RBMS3: variants seen among roughly 807,000 people sequenced by gnomAD.
RBMS3 encodes the protein RNA-binding motif, single-stranded-interacting protein 3.
RBMS3 carries 27 observed loss-of-function variants against 66.8 expected under a neutral mutation model. The observed-to-expected ratio is 0.40, with a 90% confidence interval of 0.30 to 0.56. The LOEUF is 0.56. Among genes scored for constraint, RBMS3 ranks in the 20% least tolerant of loss-of-function variants. The pLI is 0.40. For missense variants in RBMS3, 513 were observed against 549.5 expected (o/e 0.93, Z 0.66); for synonymous variants, 188 against 183.0 (o/e 1.03, Z -0.22).
intron 10 of RBMS3, among the ~76,000 whole-genome samples, chr3:29,928,148 T>G (rs1020054492): frequency 1.9e-4 from 27 of 140,322 alleles, no homozygotes; most frequent in Admixed American, 1.0e-3. Flanking sequence ...GAACAAAAAA[T>G]AAGGAGAAAC....
intron 3 of RBMS3, among the ~76,000 whole-genome samples, chr3:29,500,314 TAAC>T (rs1181117246): frequency 6.6e-6 from 1 of 151,212 alleles, no homozygotes; most frequent in Non-Finnish European, 1.5e-5. Context: ...GAGGACAACT[TAAC>T]AAGTCAAAGA....
At chr3:29,761,326 C>A (rs35961148) in intron 5 of RBMS3, among the ~76,000 whole-genome samples, 72,380 of 151,966 alleles carry the variant, frequency 0.48, 17,843 homozygotes, top group African/African-American at 0.6. Flanking sequence ...TAGCTCAAAA[C>A]TGGAACTCGT....
chr3:29,631,475 TAGA>T (rs1559523091), intron 4 of RBMS3, among the ~76,000 whole-genome samples: 3 of 151,944 alleles, frequency 2.0e-5, no homozygotes, highest in South Asian at 2.1e-4. Context: ...CAAATTTCCA[TAGA>T]AGATTTTTAT....
intron 14 of RBMS3, among the ~76,000 whole-genome samples, chr3:29,996,966 A>G (rs958682434): frequency 9.9e-5 from 15 of 152,252 alleles, no homozygotes; most frequent in Non-Finnish European, 1.6e-4. Flanking sequence ...TCAAAAAATT[A>G]ATGAATCCAG....
intron 3 of RBMS3, among the ~76,000 whole-genome samples, chr3:29,581,806 G>A (rs1422072935): frequency 1.3e-5 from 2 of 152,150 alleles, no homozygotes; most frequent in Non-Finnish European, 2.9e-5. Flanking sequence ...CTGAGAGCAA[G>A]TCTCCTTGGC....
chr3:29,535,652 A>G (rs2045524047), intron 3 of RBMS3, among the ~76,000 whole-genome samples: 2 of 150,402 alleles, frequency 1.3e-5, no homozygotes, highest in African/African-American at 4.9e-5. Context: ...AGACCTATAA[A>G]ACAGATGTCT....
chr3:29,532,656 G>T (rs2045411466), intron 3 of RBMS3, among the ~76,000 whole-genome samples: 1 of 152,080 alleles, frequency 6.6e-6, no homozygotes, highest in Non-Finnish European at 1.5e-5. Context: ...TTGAGCTTAG[G>T]AGTTCCAGGT....
intron 10 of RBMS3, among the ~76,000 whole-genome samples, chr3:29,924,100 C>A (rs187676968): frequency 3.3e-5 from 5 of 152,244 alleles, no homozygotes; most frequent in African/African-American, 9.6e-5. Flanking sequence ...TCTATATATA[C>A]CCTGTTACAT....
rs114315123 is a variant in RBMS3 at position 29,715,559 on chromosome 3, G to A, written c.400-24161G>A. Among the ~76,000 whole-genome samples the A allele has an allele frequency of 3.4e-3, 522 of 152,162 alleles. 4 individuals carry two copies. The highest frequency in any genetic ancestry group is 0.012 in the African/African-American group (505 of 41,514). ...TACTCTCTTCCAACCATGTGACTAA[G>A]CATTTAAGAGTGAATTCTATTGACA... On this transcript the variant is annotated intron_variant, in intron 4 of 14. Transcript: ENST00000383767.
intron 1 of RBMS3, among the ~76,000 whole-genome samples, chr3:29,352,319 T>C (rs2125561072): frequency 6.6e-6 from 1 of 152,182 alleles, no homozygotes; most frequent in East Asian, 1.9e-4. Context: ...GGCTTCTTTA[T>C]ACATTCAGGT....
chr3:29,684,416 A>C (rs556323822), intron 4 of RBMS3, among the ~76,000 whole-genome samples: 2 of 152,302 alleles, frequency 1.3e-5, no homozygotes, highest in African/African-American at 4.8e-5. Flanking sequence ...TTCTTTATGT[A>C]CCTATCTATA....
At chr3:29,892,287 A>G (rs1372312617) in intron 8 of RBMS3, among the ~76,000 whole-genome samples, 2 of 151,498 alleles carry the variant, frequency 1.3e-5, no homozygotes, top group Non-Finnish European at 3.0e-5. Context: ...TGCATTTAAT[A>G]TTTTGTTCAT....
At chr3:29,391,970 C>A (rs2039318591) in intron 1 of RBMS3, among the ~76,000 whole-genome samples, 1 of 152,092 alleles carries the variant, frequency 6.6e-6, no homozygotes, top group Non-Finnish European at 1.5e-5. Context: ...AACGTAGAGG[C>A]CTGGCATGGT....
chr3:29,721,912 A>C (rs1020334999), intron 4 of RBMS3, among the ~76,000 whole-genome samples: 1 of 152,176 alleles, frequency 6.6e-6, no homozygotes. Flanking sequence ...ATATTGCCTA[A>C]AACCTTTAGT....
intron 4 of RBMS3, among the ~76,000 whole-genome samples, chr3:29,697,834 A>AT (rs2052350317): frequency 6.6e-6 from 1 of 152,174 alleles, no homozygotes; most frequent in African/African-American, 2.4e-5. Context: ...GTTGTGCATC[A>AT]TTTTAGCGCT....
At chr3:29,871,708 G>T (rs2059495505) in intron 7 of RBMS3, among the ~76,000 whole-genome samples, 1 of 152,098 alleles carries the variant, frequency 6.6e-6, no homozygotes. Flanking sequence ...CCTAAAAGAT[G>T]AGTAAAAATG....
At chr3:29,621,558 C>T (rs975630102) in intron 4 of RBMS3, among the ~76,000 whole-genome samples, 28 of 152,056 alleles carry the variant, frequency 1.8e-4, no homozygotes, top group South Asian at 6.2e-4. Flanking sequence ...TTGTATTAAA[C>T]CTTTCAATAA....
intron 3 of RBMS3, among the ~76,000 whole-genome samples, chr3:29,566,633 G>A (rs1216472822): frequency 1.5e-4 from 6 of 40,638 alleles, no homozygotes; most frequent in Non-Finnish European, 2.5e-4. Context: ...AAAGCAAAAT[G>A]CAAAAAAAAA....
intron 2 of RBMS3, among the ~76,000 whole-genome samples, chr3:29,465,920 T>C (rs2042527477): frequency 1.3e-5 from 2 of 151,996 alleles, no homozygotes; most frequent in African/African-American, 2.4e-5. Context: ...GAAAGATTGG[T>C]CGTTCTGGTT....
Sources: allele counts gnomAD v4.1 joint callset (sites outside exome capture counted in the v4.1 genomes callset), GRCh38; gene constraint gnomAD v4.1.1; transcripts MANE v1.5; gene names NCBI Gene and HGNC (gene_info 2026-07-23, HGNC 2026-07-21).